The following UIMC1 variants were observed in gnomAD, a reference collection of about 807,000 sequenced individuals.
UIMC1 encodes ubiquitin interaction motif containing 1, also known as BRCA1-A complex subunit RAP80.
In UIMC1, 42 loss-of-function variants were observed where a neutral mutation model predicts 84.9. The observed-to-expected ratio is 0.49, with a 90% CI of 0.39 to 0.64. The LOEUF (loss-of-function observed/expected upper bound fraction) is 0.64, where lower values mean the gene tolerates loss of function less well. Ranked by LOEUF, UIMC1 falls within the 30% of genes least tolerant of loss-of-function variation. The pLI is 0.00. For synonymous variants in UIMC1, 281 were observed against 293.0 expected (o/e 0.96, Z 0.42); for missense variants, 825 against 847.6 (o/e 0.97, Z 0.33).
chr5:176,987,292 T>G (rs1326805505), intron 1 of UIMC1, among the ~76,000 whole-genome samples: 1 of 152,120 alleles, frequency 6.6e-6, no homozygotes, highest in Non-Finnish European at 1.5e-5. Flanking sequence ...CAAGTCAACA[T>G]ACAAAAACCA....
At chr5:176,954,692 C>T (rs963220676) in intron 8 of UIMC1, among the ~76,000 whole-genome samples, 1 of 148,680 alleles carries the variant, frequency 6.7e-6, no homozygotes, top group Non-Finnish European at 1.5e-5. Context: ...TTCAAGGTTA[C>T]AGTCAGCGAG....
At chr5:176,970,640 C>A (rs180945353) in intron 4 of UIMC1, 102 bp downstream of exon 4, 14 of 1,580,380 alleles carry the variant, frequency 8.9e-6, no homozygotes. Flanking sequence ...GGTGAAAACC[C>A]TATAAATGAC....
chr5:176,978,957 G>A (rs565469563), intron 2 of UIMC1, among the ~76,000 whole-genome samples: 59 of 152,074 alleles, frequency 3.9e-4, no homozygotes, highest in African/African-American at 1.4e-3. Context: ...TACAGCCAAC[G>A]CAATGAAAAC....
intron 6 of UIMC1, among the ~76,000 whole-genome samples, chr5:176,958,594 T>C (rs1766910770): frequency 2.6e-5 from 4 of 152,178 alleles, no homozygotes; most frequent in Admixed American, 2.0e-4. Context: ...AAAGTTCAAT[T>C]TTCAAAGGAA....
rs1185733133 is a variant in UIMC1 at position 176,907,374 on chromosome 5, C to T, written c.1849-197G>A. On this transcript the variant is annotated intron_variant, in intron 12 of 14. Transcript: ENST00000511320. ...ATAATGAAGAGAATACATCGCTATG[C>T]CCAGAGTATCATGGATTTAAAATAG... 9.4e-6 allele frequency: 5 copies of T among 534,624 alleles called. No individual in the cohort carries two copies. In the South Asian group the frequency reaches 9.7e-5, roughly 10 times the overall value. 33.1% of individuals were successfully genotyped at this position (534,624 alleles called of 1,614,324 possible). A position where few individuals can be genotyped will look rare whatever the true frequency, so the allele number is the denominator to read the frequency against.
At position 176,958,701 on chromosome 5, in the gene UIMC1, G is replaced by A. The variant is rs956918738; in HGVS notation, c.1201-547C>T. ...AGGGAAGGTTACAAAGATTCTTTTTGCTACAAATCTGCCACTATGGTTTTT... is the reference window on the plus strand; with the variant it reads ...AGGGAAGGTTACAAAGATTCTTTTTACTACAAATCTGCCACTATGGTTTTT... On this transcript the variant is annotated intron_variant, in intron 6 of 14. Coordinates refer to ENST00000511320, the MANE Select transcript of UIMC1 (RefSeq NM_001199298.2). Among the ~76,000 whole-genome samples the A allele has an allele frequency of 3.3e-5, 5 of 152,180 alleles. No individual in the cohort carries two copies. The East Asian group carries it at 9.6e-4, about 29-fold the overall frequency.
At chr5:177,015,627 A>C (rs1017549128) in intron 1 of UIMC1, among the ~76,000 whole-genome samples, 3 of 152,194 alleles carry the variant, frequency 2.0e-5, no homozygotes, top group Non-Finnish European at 4.4e-5. Context: ...AAAAGGCTGG[A>C]AAGCATTACT....
chr5:176,908,582 T>G lies in UIMC1; in HGVS notation c.1789A>C (p.Ser597Arg). The change falls in exon 12 of 15, where the codon AGT becomes CGT. Residue 597 changes from serine (S) to arginine (R), a missense_variant. Transcript: ENST00000511320. ...KADQGDGPEGSGRACSTVEGK... is the reference protein window; with the variant it reads ...KADQGDGPEGRGRACSTVEGK... ...TCCACAGTTGAACATGCTCTTCCAC[T>G]CCCTTCAGGTCCATCTCCTTGGTCA... 3 of 1,614,134 alleles carry G rather than the reference T, an allele frequency of 1.9e-6. No homozygotes were observed. Among genetic ancestry groups the G allele is most frequent in the Non-Finnish European group, 2.5e-6 (3 of 1,179,988 alleles).
At chr5:177,012,421 G>A (rs917995457) in intron 1 of UIMC1, among the ~76,000 whole-genome samples, 1 of 152,200 alleles carries the variant, frequency 6.6e-6, no homozygotes, top group African/African-American at 2.4e-5. Context: ...TTCAGGGCCA[G>A]GCGCAGTGTC....
At chr5:176,924,112 A>G (rs984786641) in intron 10 of UIMC1, among the ~76,000 whole-genome samples, 5 of 151,366 alleles carry the variant, frequency 3.3e-5, no homozygotes, top group Non-Finnish European at 5.9e-5. Context: ...GAGGTCAGGA[A>G]GTCAAGACCA....
intron 10 of UIMC1, among the ~76,000 whole-genome samples, chr5:176,914,039 C>CCATACCAT (rs1554106263): frequency 2.9e-5 from 4 of 139,882 alleles, no homozygotes; most frequent in Admixed American, 1.4e-4. Context: ...CCATACCATA[C>CCATACCAT]ACCATACCAT....
intron 2 of UIMC1, among the ~76,000 whole-genome samples, chr5:176,979,142 G>A (rs1488954275): frequency 6.6e-6 from 1 of 152,190 alleles, no homozygotes; most frequent in Non-Finnish European, 1.5e-5. Context: ...TTTAGTTTAT[G>A]ATAAAGGTAA....
At chr5:176,914,064 T>TACCACACCAC (rs1354938619) in intron 10 of UIMC1, among the ~76,000 whole-genome samples, 23 of 122,630 alleles carry the variant, frequency 1.9e-4, no homozygotes, top group Middle Eastern at 5.2e-3. Flanking sequence ...TACCATACCA[T>TACCACACCAC]ACCATACCAC....
chr5:176,939,254 C>T (rs1165580250), intron 10 of UIMC1, among the ~76,000 whole-genome samples: 25 of 115,820 alleles, frequency 2.2e-4, no homozygotes, highest in African/African-American at 8.5e-4. Flanking sequence ...GAGATCCTGT[C>T]TCAAAAAAAA....
rs531061304 is a variant in UIMC1 at position 176,966,980 on chromosome 5, C to T, written c.1200+1575G>A. Reference sequence around the variant, plus strand: ...GTAAGAGATACGCAAATTAAGACTACACTGAGACGCCATTTTTCATCTCTC... The same window carrying T: ...GTAAGAGATACGCAAATTAAGACTATACTGAGACGCCATTTTTCATCTCTC... On this transcript the variant is annotated intron_variant, in intron 6 of 14. Coordinates refer to ENST00000511320, the MANE Select transcript of UIMC1 (RefSeq NM_001199298.2). Among the ~76,000 whole-genome samples, 5 of 152,144 alleles carry T rather than the reference C, an allele frequency of 3.3e-5. No homozygotes were observed. In the South Asian group the frequency reaches 8.3e-4, roughly 25 times the overall value.
intron 1 of UIMC1, among the ~76,000 whole-genome samples, chr5:177,003,025 T>C (rs755933709): frequency 4.9e-4 from 75 of 151,922 alleles, no homozygotes; most frequent in Non-Finnish European, 9.7e-4. Context: ...CCTATAAATA[T>C]TTGCTGAGTG....
Position 176,905,112 on chromosome 5 carries a change from T to C in UIMC1, c.*170A>G. The C allele has an allele frequency of 1.7e-6, 1 of 588,058 alleles. No individual in the cohort carries two copies. The highest frequency in any genetic ancestry group is 2.9e-6 in the Non-Finnish European group (1 of 343,288). The allele number at this position is 588,058 out of a possible 1,614,324, so 36.4% of individuals were successfully genotyped here. Reference sequence around the variant, plus strand: ...AACTGTTATAAAACAGAATACACAGTTGTCTGCATAGATCATAAAAAACAT... The same window carrying C: ...AACTGTTATAAAACAGAATACACAGCTGTCTGCATAGATCATAAAAAACAT... On this transcript the variant is annotated 3_prime_UTR_variant, in exon 15 of 15. Coordinates refer to ENST00000511320, the MANE Select transcript of UIMC1 (RefSeq NM_001199298.2).
rs1192865185 is a variant in UIMC1, at chr5:176,906,045, C to T, written c.1915G>A (p.Ala639Thr). The T allele has an allele frequency of 6.2e-7, 1 of 1,613,836 alleles. No homozygotes were observed. Among genetic ancestry groups the T allele is most frequent in the Middle Eastern group, 1.6e-4 (1 of 6,062 alleles). ...CCTGTTTCTGAAGACTTGATGTCTG[C>T]ATCTGTGATATAAAAGAAAAAATAA... Reference protein sequence around the residue: ...LEQSEHKTSDADIKSSETGAF... With the variant: ...LEQSEHKTSDTDIKSSETGAF... The change falls in exon 14 of 15, where the codon GCA (alanine) becomes ACA (threonine). Residue 639 changes from alanine to threonine, a missense_variant and splice_region_variant. Physicochemically the swap from Ala to Thr is moderately conservative, Grantham distance 58. Coordinates refer to ENST00000511320, the MANE Select transcript of UIMC1 (RefSeq NM_001199298.2).
rs148594446 is a variant in UIMC1 at position 176,976,960 on chromosome 5, C to T, written c.148-1480G>A. ...ACTGTGGGCCAGGCGCAGTGGCTCA[C>T]GCCTGTAATCCCAGCACTTTGGGAG... On this transcript the variant is annotated intron_variant, in intron 2 of 14. Transcript: ENST00000511320. 4.9e-3 allele frequency among the ~76,000 whole-genome samples: 746 copies of T among 152,196 alleles called. 3 individuals are homozygous for T. The highest frequency in any genetic ancestry group is 0.013 in the African/African-American group (545 of 41,536).
Sources: allele counts gnomAD v4.1 joint callset (sites outside exome capture counted in the v4.1 genomes callset), GRCh38; gene constraint gnomAD v4.1.1; transcripts MANE v1.5; gene names NCBI Gene and HGNC (gene_info 2026-07-23, HGNC 2026-07-21).